The following PLPP2 variants were observed in gnomAD, a reference collection of about 807,000 sequenced individuals.
PLPP2 encodes the protein PAP2-gamma.
A neutral mutation model predicts 35.2 loss-of-function variants in PLPP2; 29 were observed. The ratio of observed to expected loss-of-function variants is 0.82; its 90% confidence interval spans 0.61 to 1.12. PLPP2 has a LOEUF of 1.12. PLPP2 is among the 50% of genes most tolerant of loss of function. The pLI, the probability that PLPP2 is intolerant of heterozygous loss-of-function variation, is 0.00. For synonymous variants in PLPP2, 162 were observed against 167.0 expected (o/e 0.97, Z 0.23); for missense variants, 353 against 375.2 (o/e 0.94, Z 0.49).
intron 4 of PLPP2, among the ~76,000 whole-genome samples, 200 bp downstream of exon 4, chr19:282,552 C>G (rs1970201191): frequency 6.6e-6 from 1 of 151,902 alleles, no homozygotes; most frequent in Non-Finnish European, 1.5e-5. Context: ...GGCGCTCCCC[C>G]TCCCCCTGCA....
At position 282,826 on chromosome 19, in the gene PLPP2, G is replaced by A. The variant is rs971952133; in HGVS notation, c.483-17C>T. The A allele has an allele frequency of 2.5e-6, 4 of 1,612,590 alleles. No individual in the cohort carries two copies. The African/African-American group carries it at 5.3e-5, about 22-fold the overall frequency. On this transcript the variant is annotated splice_polypyrimidine_tract_variant and intron_variant, in intron 3 of 5. Transcript: ENST00000434325. ...AAAGACAACCTGAGGAAGGAGAAGG[G>A]GCAGGTGGCTCACTCAGCGCCTTCC...
At chr19:288,332 C>CT (rs1568203427) in intron 1 of PLPP2, 161 bp from the exon 2 acceptor site, 4 of 618,586 alleles carry the variant, frequency 6.5e-6, no homozygotes, top group Non-Finnish European at 1.0e-5. Context: ...TTTCGCATCC[C>CT]CTCAGACAAA....
Position 282,167 on chromosome 19 carries a change from G to C in PLPP2, c.684C>G (p.Gly228=), listed in dbSNP as rs1024028538. Residue 228 remains glycine, a synonymous_variant, in exon 5 of 6, where the codon GGC becomes GGG. Coordinates refer to ENST00000434325, the MANE Select transcript of PLPP2 (RefSeq NM_003712.4). ...YKHHWSDVLV[G]LLQGALVAAL... ...CAGCCACCAGTGCCCCCTGCAGGAG[G>C]CCAACAAGGACATCGCTCCAGTGGT... 4 of 1,613,698 alleles carry C rather than the reference G, an allele frequency of 2.5e-6. No individual in the cohort carries two copies. In the East Asian group the frequency reaches 6.7e-5, roughly 27 times the overall value.
Position 281,379 on chromosome 19 carries a change from G to A in PLPP2, c.*9C>T, listed in dbSNP as rs1303720364. On this transcript the variant is annotated 3_prime_UTR_variant, in exon 6 of 6. Transcript: ENST00000434325. ...TCACAGCAGCTCCCTGCCTGGGCGGGGTCCGGCCTCAGGAGGAGGAGTGCG... is the reference window on the plus strand; with the variant it reads ...TCACAGCAGCTCCCTGCCTGGGCGGAGTCCGGCCTCAGGAGGAGGAGTGCG... The A allele has an allele frequency of 2.1e-6, 3 of 1,397,748 alleles. No homozygotes were observed. The highest frequency in any genetic ancestry group is 2.8e-6 in the Non-Finnish European group (3 of 1,067,538). The allele number at this position is 1,397,748 out of a possible 1,614,324, so 86.6% of individuals were successfully genotyped here. A position where few individuals can be genotyped will look rare whatever the true frequency, so the allele number is the denominator to read the frequency against.
intron 3 of PLPP2, chr19:286,120 C>G (rs1970267822): frequency 6.6e-6 from 1 of 150,880 alleles, no homozygotes; most frequent in Non-Finnish European, 1.5e-5. Context: ...GATTGCACCA[C>G]CGCACTCCAG....
intron 1 of PLPP2, among the ~76,000 whole-genome samples, chr19:290,614 C>A (rs111920553): frequency 7.0e-4 from 107 of 152,334 alleles, no homozygotes; most frequent in African/African-American, 2.5e-3. Context: ...TTCCCGGGAC[C>A]CTGCGGGAGG....
rs531849175 is a variant in PLPP2 at position 281,321 on chromosome 19, T to C, written c.*67A>G. ...AGAGCCCTCAGTGCCTAACCAGGGC[T>C]GGAGGGACCACCTGGGTGGGCCTCA... On this transcript the variant is annotated 3_prime_UTR_variant, in exon 6 of 6. Transcript: ENST00000434325. 242 of 1,322,550 alleles carry C rather than the reference T, an allele frequency of 1.8e-4. No homozygotes were observed. In the African/African-American group the frequency reaches 3.3e-3, roughly 18 times the overall value. 81.9% of individuals were successfully genotyped at this position (1,322,550 alleles called of 1,614,324 possible). A position where few individuals can be genotyped will look rare whatever the true frequency, so the allele number is the denominator to read the frequency against.
At chr19:290,869 G>A in intron 1 of PLPP2, 1 of 1,098,486 alleles carries the variant, frequency 9.1e-7, no homozygotes, top group Non-Finnish European at 1.1e-6. Context: ...CGCAGCGGGA[G>A]CGCCCACCCC....
chr19:288,497 T>C (rs1230324512), intron 1 of PLPP2: 2 of 175,768 alleles, frequency 1.1e-5, no homozygotes, highest in African/African-American at 2.4e-5. Context: ...AGGGGTCTCA[T>C]GTTGACCAGG....
chr19:289,784 T>C (rs1283117558), intron 1 of PLPP2, among the ~76,000 whole-genome samples: 1 of 152,082 alleles, frequency 6.6e-6, no homozygotes, highest in African/African-American at 2.4e-5. Flanking sequence ...ACCTGCCTTC[T>C]GCTCCCACAC....
At position 287,911 on chromosome 19, in the gene PLPP2, C is replaced by T; in HGVS notation, c.204+109G>A. Reference sequence around the variant, plus strand: ...AGGGCAAGGCTGTGTCCCCCGGCCCCACACAGACCTCCAGGGCAGGGCTGT... The same window carrying T: ...AGGGCAAGGCTGTGTCCCCCGGCCCTACACAGACCTCCAGGGCAGGGCTGT... On this transcript the variant is annotated intron_variant, in intron 2 of 5. Transcript: ENST00000434325. This position sits in a 1 kb window ranked among gnomAD's most constrained non-coding sequence, Gnocchi z 4.3. 1 of 1,520,736 alleles carries T rather than the reference C, an allele frequency of 6.6e-7. No individual in the cohort carries two copies. The highest frequency in any genetic ancestry group is 8.9e-7 in the Non-Finnish European group (1 of 1,123,844). 94.2% of individuals were successfully genotyped at this position (1,520,736 alleles called of 1,614,324 possible). A position where few individuals can be genotyped will look rare whatever the true frequency, so the allele number is the denominator to read the frequency against.
Position 287,669 on chromosome 19 carries a change from T to A in PLPP2, c.287A>T (p.Tyr96Phe). The A allele has an allele frequency of 2.5e-6, 4 of 1,613,938 alleles. No homozygotes were observed. Among genetic ancestry groups the A allele is most frequent in the Non-Finnish European group, 3.4e-6 (4 of 1,180,024 alleles). Residue 96 changes from tyrosine (Y) to phenylalanine (F), a missense_variant, in exon 3 of 6, where the codon TAC becomes TTC. Coordinates refer to ENST00000434325, the MANE Select transcript of PLPP2 (RefSeq NM_003712.4). This position sits in a 1 kb window ranked among gnomAD's most constrained non-coding sequence, Gnocchi z 4.3. ...AAACAGGAAGGTCCCCAGCACCTTG[T>A]ATACAGCAGCCACGTAGTTGTTGAA... is the stretch of plus-strand genomic sequence containing the variant. Reference protein sequence around the residue: ...SDFNNYVAAVYKVLGTFLFGA... With the variant: ...SDFNNYVAAVFKVLGTFLFGA...
At position 281,551 on chromosome 19, in the gene PLPP2, G is replaced by A; in HGVS notation, c.718-14C>T. 6.8e-7 allele frequency: 1 copy of A among 1,465,338 alleles called. No individual in the cohort carries two copies. Among genetic ancestry groups the A allele is most frequent in the African/African-American group, 1.4e-5 (1 of 70,512 alleles). 90.8% of individuals were successfully genotyped at this position (1,465,338 alleles called of 1,614,324 possible). On this transcript the variant is annotated splice_polypyrimidine_tract_variant and intron_variant, in intron 5 of 5. Coordinates refer to ENST00000434325, the MANE Select transcript of PLPP2 (RefSeq NM_003712.4). ...GATGTAGCAGACCTGGTAGAGCAGA[G>A]GGTGGTGAGAATGGGCAGGGGGCTG... is the stretch of plus-strand genomic sequence containing the variant.
chr19:291,372 C>CT lies in PLPP2; in HGVS notation c.-37_-36insA. ...ACCCCCGACGCCGGTCCCAGCGCGTCCCGTCGCGTCCCGGCCCGGCCGCGG... is the reference window on the plus strand; with the variant it reads ...ACCCCCGACGCCGGTCCCAGCGCGTCTCCGTCGCGTCCCGGCCCGGCCGCGG... On this transcript the variant is annotated 5_prime_UTR_variant, in exon 1 of 6. Transcript: ENST00000434325. 1 of 1,576,520 alleles carries CT rather than the reference C, an allele frequency of 6.3e-7. No homozygotes were observed. Among genetic ancestry groups the CT allele is most frequent in the Non-Finnish European group, 8.6e-7 (1 of 1,163,170 alleles).
intron 1 of PLPP2, 62 bp downstream of exon 1, chr19:291,223 C>T (rs1244103370): frequency 1.9e-6 from 3 of 1,592,040 alleles, no homozygotes; most frequent in Admixed American, 3.5e-5. Flanking sequence ...AACTTGCGCG[C>T]AGCCGGGGGC....
intron 5 of PLPP2, 105 bp from the exon 6 acceptor site, chr19:281,642 G>A (rs1213304590): frequency 5.0e-5 from 55 of 1,103,624 alleles, no homozygotes; most frequent in Non-Finnish European, 6.8e-5. Flanking sequence ...GGGAGCGAGG[G>A]GCCTAGGTGG....
intron 1 of PLPP2, 147 bp from the exon 2 acceptor site, chr19:288,318 T>A (rs1970312579): frequency 1.4e-6 from 1 of 695,552 alleles, no homozygotes; most frequent in African/African-American, 2.1e-5. Context: ...CAAATAACAC[T>A]CCCTTTCGCA....
At chr19:281,824 T>C (rs1056324782) in intron 5 of PLPP2, among the ~76,000 whole-genome samples, 66 of 34,042 alleles carry the variant, frequency 1.9e-3, no homozygotes, top group Non-Finnish European at 3.4e-3. Flanking sequence ...AGGGGAGGAA[T>C]GGGGGCATGG....
intron 1 of PLPP2, 25 bp from the exon 2 acceptor site, chr19:288,196 G>T: frequency 1.3e-6 from 2 of 1,551,022 alleles, no homozygotes; most frequent in Non-Finnish European, 1.7e-6. Flanking sequence ...AAGCCTGGGA[G>T]CTGTGAGGTT....
Sources: allele counts gnomAD v4.1 joint callset (sites outside exome capture counted in the v4.1 genomes callset), GRCh38; gene constraint gnomAD v4.1.1; non-coding constraint Gnocchi (gnomAD v3.1); transcripts MANE v1.5; gene names NCBI Gene and HGNC (gene_info 2026-07-23, HGNC 2026-07-21).